FMN2: variants seen among roughly 807,000 people sequenced by gnomAD.
FMN2 encodes formin 2.
Under a neutral mutation model 142.3 loss-of-function variants are expected in FMN2, and 51 were observed. That is an observed-to-expected ratio of 0.36 (90% CI 0.29 to 0.45). FMN2 has a LOEUF of 0.45. FMN2 is among the 20% of genes least tolerant of loss of function. The probability of loss-of-function intolerance (pLI) is 1.00; values close to 1 mark genes in which losing one functional copy is unlikely to be tolerated. For synonymous variants in FMN2, 882 were observed against 869.8 expected (o/e 1.01, Z -0.25); for missense variants, 1,936 against 2,122.8 (o/e 0.91, Z 1.73).
chr1:240,094,022 G>C (rs936346027), intron 1 of FMN2, among the ~76,000 whole-genome samples: 1 of 152,154 alleles, frequency 6.6e-6, no homozygotes, highest in African/African-American at 2.4e-5. Context: ...TTCGGGTCAC[G>C]CCAGGGAGAT....
intron 3 of FMN2, among the ~76,000 whole-genome samples, chr1:240,183,844 G>A (rs920873909): frequency 2.0e-5 from 3 of 152,096 alleles, no homozygotes; most frequent in African/African-American, 7.2e-5. Flanking sequence ...GAAGTTTAAT[G>A]AATTCTGTTT....
At chr1:240,258,567 T>C (rs1294144762) in intron 7 of FMN2, among the ~76,000 whole-genome samples, 1 of 152,214 alleles carries the variant, frequency 6.6e-6, no homozygotes, top group African/African-American at 2.4e-5. Context: ...CCTAGGATCC[T>C]GTCTCCTTGT....
Position 240,262,605 on chromosome 1 carries a change from G to A in FMN2, c.4153+4573G>A, listed in dbSNP as rs374044303. 1.4e-4 allele frequency among the ~76,000 whole-genome samples: 22 copies of A among 152,156 alleles called. No individual in the cohort carries two copies. In the East Asian group the frequency reaches 1.7e-3, roughly 12 times the overall value. On this transcript the variant is annotated intron_variant, in intron 7 of 17. Coordinates refer to ENST00000319653, the MANE Select transcript of FMN2 (RefSeq NM_020066.5). ...CTTAGGTCCATTTTCATAGATAACA[G>A]TAGCTGCAAAAGAATTTGCAATTCC...
At chr1:240,246,261 T>A (rs1668080460) in intron 6 of FMN2, among the ~76,000 whole-genome samples, 1 of 152,184 alleles carries the variant, frequency 6.6e-6, no homozygotes, top group African/African-American at 2.4e-5. Flanking sequence ...CTCTCCGCAT[T>A]CTGTTGTCCG....
At chr1:240,278,338 A>T (rs1163007487) in intron 7 of FMN2, among the ~76,000 whole-genome samples, 1 of 152,184 alleles carries the variant, frequency 6.6e-6, no homozygotes, top group Non-Finnish European at 1.5e-5. Context: ...CTCTTCTAGC[A>T]TCTGTGATAC....
intron 2 of FMN2, among the ~76,000 whole-genome samples, chr1:240,151,541 G>A (rs1571990384): frequency 2.0e-5 from 3 of 152,166 alleles, no homozygotes; most frequent in South Asian, 4.2e-4. Context: ...TCCGGTGTGG[G>A]CGAAGTCTGG....
At chr1:240,224,078 G>T (rs551033923) in intron 6 of FMN2, among the ~76,000 whole-genome samples, 1 of 152,108 alleles carries the variant, frequency 6.6e-6, no homozygotes, top group Non-Finnish European at 1.5e-5. Context: ...TGATGTTAGA[G>T]TGTTGATTTT....
chr1:240,186,124 G>A (rs7531901), intron 3 of FMN2, among the ~76,000 whole-genome samples: 36,463 of 151,994 alleles, frequency 0.24, 4,770 homozygotes, highest in African/African-American at 0.35. Context: ...GCTATTCTCA[G>A]TGAGTTTTGT....
chr1:240,175,201 A>G (rs1025722423), intron 2 of FMN2, among the ~76,000 whole-genome samples: 7 of 152,126 alleles, frequency 4.6e-5, no homozygotes, highest in African/African-American at 1.7e-4. Context: ...GTTTGTATAT[A>G]TATCACATTT....
At chr1:240,144,029 A>G in intron 2 of FMN2, 1 of 1,136,988 alleles carries the variant, frequency 8.8e-7, no homozygotes, top group Non-Finnish European at 1.3e-6. Context: ...AGAGTTCACT[A>G]TGCCACAGGC....
intron 13 of FMN2, among the ~76,000 whole-genome samples, chr1:240,354,787 T>G (rs113734492): frequency 0.011 from 1,634 of 152,144 alleles, 31 homozygotes; most frequent in African/African-American, 0.037. Flanking sequence ...AATGACAAAG[T>G]CTCCTGGGAG....
chr1:240,128,618 T>C (rs959189655), intron 2 of FMN2, among the ~76,000 whole-genome samples: 1 of 152,212 alleles, frequency 6.6e-6, no homozygotes, highest in African/African-American at 2.4e-5. Flanking sequence ...AAGAGCTCCT[T>C]GATATGTATG....
intron 4 of FMN2, among the ~76,000 whole-genome samples, chr1:240,191,578 T>C (rs1038727111): frequency 6.6e-6 from 1 of 152,256 alleles, no homozygotes; most frequent in East Asian, 1.9e-4. Flanking sequence ...CTTTTGATTC[T>C]GTTTATTAAA....
intron 14 of FMN2, among the ~76,000 whole-genome samples, chr1:240,361,184 T>TATATAA (rs1234608765): frequency 3.9e-5 from 4 of 102,732 alleles, no homozygotes; most frequent in East Asian, 2.5e-4. Flanking sequence ...TATATATATA[T>TATATAA]AAAAGAGTTT....
At chr1:240,400,581 G>A (rs973253840) in intron 15 of FMN2, 1 of 152,134 alleles carries the variant, frequency 6.6e-6, no homozygotes, top group Non-Finnish European at 1.5e-5. Context: ...CCTCCTCTCA[G>A]GCCTTTGAGG....
chr1:240,322,972 C>T lies in FMN2; in HGVS notation c.4216-6104C>T, dbSNP rs562496864. 2.3e-3 allele frequency among the ~76,000 whole-genome samples: 350 copies of T among 152,208 alleles called. 2 individuals carry two copies. The highest frequency in any genetic ancestry group is 3.8e-3 in the Non-Finnish European group (259 of 67,998). Reference sequence around the variant, plus strand: ...TTTCATAATAACTTGATTTCCCTTCCTGATCTTCCGCCATCCCCAAGAACC... The same window carrying T: ...TTTCATAATAACTTGATTTCCCTTCTTGATCTTCCGCCATCCCCAAGAACC... On this transcript the variant is annotated intron_variant, in intron 8 of 17. Coordinates refer to ENST00000319653, the MANE Select transcript of FMN2 (RefSeq NM_020066.5).
intron 13 of FMN2, among the ~76,000 whole-genome samples, chr1:240,352,056 A>G (rs906708039): frequency 6.6e-6 from 1 of 152,352 alleles, no homozygotes; most frequent in Admixed American, 6.5e-5. Context: ...TAGGTTTTGC[A>G]AATCAGTCAA....
At chr1:240,472,086 A>G (rs1676829412) in intron 16 of FMN2, 1 of 277,672 alleles carries the variant, frequency 3.6e-6, no homozygotes, top group Non-Finnish European at 6.6e-6. Flanking sequence ...CCTTTTATAT[A>G]GGATGAAATG....
intron 8 of FMN2, among the ~76,000 whole-genome samples, chr1:240,312,167 G>A (rs1386151469): frequency 1.3e-5 from 2 of 151,970 alleles, no homozygotes; most frequent in East Asian, 1.9e-4. Context: ...TGCATGGTCC[G>A]TCCACTTTAC....
Sources: allele counts gnomAD v4.1 joint callset (sites outside exome capture counted in the v4.1 genomes callset), GRCh38; gene constraint gnomAD v4.1.1; transcripts MANE v1.5; gene names NCBI Gene and HGNC (gene_info 2026-07-23, HGNC 2026-07-21).